The following ZBTB7C variants were observed in gnomAD, a reference collection of about 807,000 sequenced individuals.
ZBTB7C encodes the protein zinc finger and BTB domain-containing protein 7C.
A neutral mutation model predicts 25.7 loss-of-function variants in ZBTB7C; 8 were observed. The observed-to-expected ratio is 0.31, with a 90% CI of 0.18 to 0.56. ZBTB7C has a LOEUF of 0.56. ZBTB7C is among the 20% of genes least tolerant of loss of function. ZBTB7C has a pLI of 0.91. For missense variants in ZBTB7C, 824 were observed against 855.2 expected (o/e 0.96, Z 0.46); for synonymous variants, 394 against 369.0 (o/e 1.07, Z -0.78).
At chr18:48,411,848 G>A (rs1381846251), upstream of ZBTB7C, among the ~76,000 whole-genome samples, 4 of 152,210 alleles carry the variant, frequency 2.6e-5, no homozygotes, top group Non-Finnish European at 5.9e-5. Context: ...CAAAGTAGAT[G>A]TTCTATAGCT....
At chr18:48,179,673 C>CTCCTTCCTTCCTTCCTTCCTTCCTTCCT (rs113058200) in intron 3 of ZBTB7C, among the ~76,000 whole-genome samples, 37 of 146,162 alleles carry the variant, frequency 2.5e-4, no homozygotes, top group African/African-American at 8.1e-4. Flanking sequence ...ATATTTCTCT[C>CTCCTTCCTTCCTTCCTTCCTTCCTTCCT]TCCTTCCTTC....
intron 2 of ZBTB7C, among the ~76,000 whole-genome samples, chr18:48,224,978 G>C (rs1014148111): frequency 6.6e-6 from 1 of 152,188 alleles, no homozygotes; most frequent in Admixed American, 6.5e-5. Context: ...TTTATCCACA[G>C]TAAACTATCA....
intron 3 of ZBTB7C, among the ~76,000 whole-genome samples, chr18:48,143,023 TAATAAAC>T (rs2040396059): frequency 6.6e-6 from 1 of 152,134 alleles, no homozygotes; most frequent in Non-Finnish European, 1.5e-5. Flanking sequence ...AGGGGAAAGA[TAATAAAC>T]AGATAAACAT....
chr18:48,232,011 C>A (rs2043268363), intron 2 of ZBTB7C, among the ~76,000 whole-genome samples: 1 of 152,234 alleles, frequency 6.6e-6, no homozygotes, highest in African/African-American at 2.4e-5. Context: ...CATTTGCTCA[C>A]ATACCCCTCG....
At chr18:48,137,454 T>A in intron 3 of ZBTB7C, 1 of 342,812 alleles carries the variant, frequency 2.9e-6, no homozygotes, top group Non-Finnish European at 4.1e-6. Flanking sequence ...CAAAATGACT[T>A]ACCACTTATC....
chr18:48,409,801 C>CT (rs113021082), upstream of ZBTB7C, among the ~76,000 whole-genome samples: 20 of 152,182 alleles, frequency 1.3e-4, no homozygotes, highest in African/African-American at 4.6e-4. Flanking sequence ...TCTTTCTTTC[C>CT]TTTTTTCTCT....
intron 2 of ZBTB7C, among the ~76,000 whole-genome samples, chr18:48,201,447 C>G (rs1309535961): frequency 6.6e-6 from 1 of 152,160 alleles, no homozygotes; most frequent in Non-Finnish European, 1.5e-5. Context: ...GACATCACCC[C>G]TGGCTCTGGC....
chr18:48,167,563 G>GGTGTGTGTGTGTGTGTTTGTGTGA (rs1555705393), intron 3 of ZBTB7C, among the ~76,000 whole-genome samples: 12 of 142,484 alleles, frequency 8.4e-5, no homozygotes, highest in Non-Finnish European at 1.1e-4. Flanking sequence ...GCATTGCTAG[G>GGTGTGTGTGTGTGTGTTTGTGTGA]GTGTGTGTGT....
chr18:48,140,934 C>T (rs2040323159), intron 3 of ZBTB7C, among the ~76,000 whole-genome samples: 1 of 152,188 alleles, frequency 6.6e-6, no homozygotes, highest in Non-Finnish European at 1.5e-5. Flanking sequence ...TCTACAGGCA[C>T]CTCCTAACTG....
At chr18:48,149,363 C>T (rs1003421210) in intron 3 of ZBTB7C, 3 of 152,260 alleles carry the variant, frequency 2.0e-5, no homozygotes, top group African/African-American at 7.2e-5. Flanking sequence ...CTCTGACACC[C>T]TCCGGGAAAG....
intron 2 of ZBTB7C, among the ~76,000 whole-genome samples, chr18:48,214,453 G>C (rs1376942083): frequency 6.6e-6 from 1 of 152,012 alleles, no homozygotes; most frequent in Non-Finnish European, 1.5e-5. Flanking sequence ...CAAACATGTT[G>C]GCAGGACTGG....
At chr18:48,275,072 GAA>G (rs1182719555) in intron 2 of ZBTB7C, among the ~76,000 whole-genome samples, 1 of 152,188 alleles carries the variant, frequency 6.6e-6, no homozygotes, top group Non-Finnish European at 1.5e-5. Context: ...CTTATTACTG[GAA>G]AAGAGTCACA....
intron 3 of ZBTB7C, among the ~76,000 whole-genome samples, chr18:48,175,012 C>A (rs1298527281): frequency 2.0e-5 from 3 of 152,100 alleles, no homozygotes; most frequent in Admixed American, 6.5e-5. Context: ...CCAACTATAC[C>A]TTTCTATCTC....
chr18:48,074,456 G>A (rs1229201564), intron 3 of ZBTB7C, among the ~76,000 whole-genome samples: 1 of 152,258 alleles, frequency 6.6e-6, no homozygotes, highest in Non-Finnish European at 1.5e-5. Flanking sequence ...CTGGTACACA[G>A]TAGGTGCTCA....
intron 2 of ZBTB7C, among the ~76,000 whole-genome samples, chr18:48,318,036 C>A (rs764874726): frequency 3.7e-4 from 56 of 150,456 alleles, no homozygotes; most frequent in Non-Finnish European, 2.7e-4. Flanking sequence ...CTAGCTATAG[C>A]CCAGCCCTTC....
chr18:48,120,734 G>A (rs1294487042), intron 3 of ZBTB7C, among the ~76,000 whole-genome samples: 1 of 152,256 alleles, frequency 6.6e-6, no homozygotes, highest in Non-Finnish European at 1.5e-5. Flanking sequence ...GGGAAGCAAA[G>A]AGACTCTAAC....
At chr18:48,113,333 C>A (rs2039312742) in intron 3 of ZBTB7C, among the ~76,000 whole-genome samples, 1 of 152,186 alleles carries the variant, frequency 6.6e-6, no homozygotes, top group Non-Finnish European at 1.5e-5. Context: ...AGTGAAACTA[C>A]CCCCATCACA....
intron 4 of ZBTB7C, 132 bp downstream of exon 4, chr18:48,039,768 T>C (rs1377190315): frequency 1.1e-6 from 1 of 943,662 alleles, no homozygotes; most frequent in Non-Finnish European, 1.6e-6. Context: ...CTAGCACCCC[T>C]GCTAGCCACG....
intron 3 of ZBTB7C, among the ~76,000 whole-genome samples, chr18:48,165,894 G>A (rs2041229215): frequency 6.6e-6 from 1 of 152,202 alleles, no homozygotes; most frequent in Non-Finnish European, 1.5e-5. Context: ...TGCCGAGCTA[G>A]TAGGGCCTGG....
Sources: gnomAD v4.1 joint callset for allele counts (sites outside exome capture counted in the v4.1 genomes callset) on GRCh38, gnomAD v4.1.1 for gene constraint, MANE v1.5 for transcripts, NCBI Gene and HGNC (gene_info 2026-07-23, HGNC 2026-07-21) for gene names.